Variants in SH3TC1 observed in about 807,000 individuals in gnomAD.
The protein encoded by SH3TC1 is SH3 domain and tetratricopeptide repeat-containing protein 1.
A neutral mutation model predicts 117.3 loss-of-function variants in SH3TC1; 135 were observed. The observed-to-expected ratio is 1.15, with a 90% CI of 1.00 to 1.33. The LOEUF (loss-of-function observed/expected upper bound fraction) is 1.33. SH3TC1 is among the 40% of genes most tolerant of loss of function. SH3TC1 has a pLI of 0.00. For missense variants in SH3TC1, 2,092 were observed against 1,794.3 expected (o/e 1.17, Z -3.00); for synonymous variants, 898 against 816.9 (o/e 1.10, Z -1.69).
intron 10 of SH3TC1, among the ~76,000 whole-genome samples, chr4:8,223,430 T>TG (rs1180451839): frequency 1.3e-5 from 2 of 152,184 alleles, no homozygotes; most frequent in Admixed American, 1.3e-4. Context: ...AGTGTCATGG[T>TG]GGGACCCCAG....
rs1161790550 is a variant in SH3TC1, at chr4:8,205,927, C to A, written c.172+561C>A. 1 of 497,408 alleles carries A rather than the reference C, an allele frequency of 2.0e-6. No individual in the cohort carries two copies. The highest frequency in any genetic ancestry group is 3.4e-5 in the Admixed American group (1 of 29,248). 30.8% of individuals were successfully genotyped at this position (497,408 alleles called of 1,614,324 possible). A position where few individuals can be genotyped will look rare whatever the true frequency, so the allele number is the denominator to read the frequency against. ...GGACGAGGGGAGAGGCAGGGGAGAC[C>A]AAGGCCTGCACGGCCCCTCCCGGCA... On this transcript the variant is annotated intron_variant, in intron 2 of 17. Transcript: ENST00000245105. This position sits in a 1 kb window ranked among gnomAD's most constrained non-coding sequence, Gnocchi z 5.4.
chr4:8,235,881 A>C (rs1560116715), intron 15 of SH3TC1: 1 of 363,560 alleles, frequency 2.8e-6, no homozygotes, highest in Admixed American at 4.3e-5. Context: ...ACGGCATGCC[A>C]GTGGGAGGCC....
chr4:8,196,599 G>C (rs116050624), upstream of SH3TC1, among the ~76,000 whole-genome samples: 3,127 of 152,346 alleles, frequency 0.021, 52 homozygotes, highest in Non-Finnish European at 0.034. This position sits in a 1 kb window ranked among gnomAD's most constrained non-coding sequence, Gnocchi z 4.6. Flanking sequence ...GGCTTCAGCA[G>C]TGGGACCTTT....
intron 1 of SH3TC1, among the ~76,000 whole-genome samples, chr4:8,200,681 G>A (rs1422712872): frequency 6.6e-6 from 1 of 152,230 alleles, no homozygotes; most frequent in African/African-American, 2.4e-5. Context: ...CAGAGCGCAG[G>A]ACACAGCCCT....
At chr4:8,185,031 T>C (rs1351965105) in intron 1 of SH3TC1, among the ~76,000 whole-genome samples, 1 of 151,970 alleles carries the variant, frequency 6.6e-6, no homozygotes, top group Non-Finnish European at 1.5e-5. Flanking sequence ...TTTTTTTTTT[T>C]TCTTTAAAAT....
At chr4:8,240,457 G>C (rs1722228036) in intron 17 of SH3TC1, among the ~76,000 whole-genome samples, 1 of 152,224 alleles carries the variant, frequency 6.6e-6, no homozygotes, top group African/African-American at 2.4e-5. Flanking sequence ...CTGCAGAGAG[G>C]GTGGGGCTGG....
At chr4:8,185,287 G>C (rs1390698579) in intron 1 of SH3TC1, among the ~76,000 whole-genome samples, 1 of 151,954 alleles carries the variant, frequency 6.6e-6, no homozygotes, top group African/African-American at 2.4e-5. Context: ...GGGGAGCCGA[G>C]ATTGAGCAGT....
chr4:8,228,694 G>T, intron 12 of SH3TC1, 50 bp downstream of exon 12: 1 of 1,345,064 alleles, frequency 7.4e-7, no homozygotes, highest in Non-Finnish European at 9.8e-7. Flanking sequence ...CTCGGGTCAG[G>T]GCACACCTGG....
chr4:8,213,150 G>T, intron 4 of SH3TC1: 1 of 344,930 alleles, frequency 2.9e-6, no homozygotes, highest in East Asian at 5.9e-5. Context: ...GGGGAGTTAA[G>T]GACAAGTGTG....
rs899064385 is a variant in SH3TC1, at chr4:8,240,691, C to A, written c.3754-7C>A. ...CCCTTTTGCTGAGCATGGCCTGTCC[C>A]CTTCAGGACCCGTTTGATGCAGCCG... On this transcript the variant is annotated splice_polypyrimidine_tract_variant and splice_region_variant and intron_variant, in intron 17 of 17. Transcript: ENST00000245105. The A allele has an allele frequency of 1.5e-5, 24 of 1,613,916 alleles. No homozygotes were observed. Among genetic ancestry groups the A allele is most frequent in the Non-Finnish European group, 1.9e-5 (22 of 1,180,012 alleles).
intron 1 of SH3TC1, among the ~76,000 whole-genome samples, chr4:8,193,086 T>G (rs756639244): frequency 3.3e-5 from 5 of 152,242 alleles, no homozygotes; most frequent in Non-Finnish European, 5.9e-5. Flanking sequence ...TCTGCTTTCC[T>G]GCTGTAAGGG....
At chr4:8,211,136 C>G (rs1165222360) in intron 3 of SH3TC1, among the ~76,000 whole-genome samples, 1 of 104,616 alleles carries the variant, frequency 9.6e-6, no homozygotes, top group Non-Finnish European at 1.9e-5. Context: ...CTGGTTTCTC[C>G]CCTCTACCTC....
intron 5 of SH3TC1, among the ~76,000 whole-genome samples, chr4:8,214,929 G>A (rs1021766788): frequency 2.0e-5 from 3 of 152,246 alleles, no homozygotes; most frequent in South Asian, 2.1e-4. Context: ...CAGGTGATCC[G>A]CCCGCCTTGC....
In SH3TC1 at chr4:8,186,432, G is replaced by C. The variant is rs1032596966; in HGVS notation, c.-57+4222G>C. Among the ~76,000 whole-genome samples the C allele has an allele frequency of 6.6e-6, 1 of 152,202 alleles. No homozygotes were observed. The highest frequency in any genetic ancestry group is 2.4e-5 in the African/African-American group (1 of 41,444). On this transcript the variant is annotated intron_variant, in intron 1 of 16. Coordinates refer to the SH3TC1 transcript ENST00000508641. The surrounding 1 kb of genome is among the most constrained non-coding windows in gnomAD (Gnocchi z 5.2). ...CCATGGGCTTCTGCGTGGAGCAGAA[G>C]ACGGATGTTAGGGGAAACTAAGGAA...
chr4:8,236,676 GC>G, intron 16 of SH3TC1: 1 of 427,528 alleles, frequency 2.3e-6, no homozygotes, highest in East Asian at 3.6e-5. Flanking sequence ...CACGAGGGCT[GC>G]CCAGTGTGCC....
chr4:8,185,562 C>T (rs1717196786), intron 1 of SH3TC1, among the ~76,000 whole-genome samples: 1 of 152,176 alleles, frequency 6.6e-6, no homozygotes, highest in Non-Finnish European at 1.5e-5. Context: ...ATCCTAACCC[C>T]ACTTTCAGAC....
chr4:8,210,958 A>T lies in SH3TC1; in HGVS notation c.247+1136A>T, dbSNP rs1362116786. Among the ~76,000 whole-genome samples the T allele has an allele frequency of 6.6e-6, 1 of 151,616 alleles. No individual in the cohort carries two copies. Among genetic ancestry groups the T allele is most frequent in the African/African-American group, 2.4e-5 (1 of 41,072 alleles). On this transcript the variant is annotated intron_variant, in intron 3 of 17. Coordinates refer to ENST00000245105, the MANE Select transcript of SH3TC1 (RefSeq NM_018986.5). This position sits in a 1 kb window ranked among gnomAD's most constrained non-coding sequence, Gnocchi z 4.1. The stretch of plus-strand genomic sequence containing the variant: ...AGGCAGGTGCTTTAAGCTTATTCAA[A>T]GGTGTGAGAATCCATCTCTGTCTCT...
At position 8,228,046 on chromosome 4, in the gene SH3TC1, G is replaced by C. The variant is rs1720713969; in HGVS notation, c.2352G>C (p.Leu784=). 6.2e-7 allele frequency: 1 copy of C among 1,606,984 alleles called. No homozygotes were observed. Among genetic ancestry groups the C allele is most frequent in the African/African-American group, 1.3e-5 (1 of 74,856 alleles). Residue 784 remains leucine (L), a synonymous_variant, in exon 12 of 18, where the codon CTG becomes CTC. Coordinates refer to ENST00000245105, the MANE Select transcript of SH3TC1 (RefSeq NM_018986.5). ...TGACCCCGGGCACAGGCCAGGCGCT[G>C]CGCGGCCCCCTCTACACCAGCTTGG... The part of the protein sequence containing the change: ...ASLTPGTGQA[L]RGPLYTSLAQ...
intron 12 of SH3TC1, 146 bp from the exon 13 acceptor site, chr4:8,231,830 T>C: frequency 1.2e-6 from 1 of 854,420 alleles, no homozygotes; most frequent in East Asian, 2.6e-5. Flanking sequence ...TGTGCCCATG[T>C]CACGGTGTGC....
Sources: allele counts gnomAD v4.1 joint callset (sites outside exome capture counted in the v4.1 genomes callset), GRCh38; gene constraint gnomAD v4.1.1; non-coding constraint Gnocchi (gnomAD v3.1); transcripts MANE v1.5; gene names NCBI Gene and HGNC (gene_info 2026-07-23, HGNC 2026-07-21).